Variants in LDLRAD4 observed in about 807,000 individuals in gnomAD.
LDLRAD4 encodes the protein low-density lipoprotein receptor class A domain-containing protein 4.
Under a neutral mutation model 17.0 loss-of-function variants are expected in LDLRAD4, and 5 were observed. That is an observed-to-expected ratio of 0.29 (90% CI 0.15 to 0.62). The LOEUF is 0.62. LDLRAD4 is among the 20% of genes least tolerant of loss of function. The pLI is 0.84. For missense variants in LDLRAD4, 340 were observed against 424.7 expected (o/e 0.80, Z 1.75); for synonymous variants, 168 against 171.8 (o/e 0.98, Z 0.17).
intron 3 of LDLRAD4, among the ~76,000 whole-genome samples, chr18:13,501,671 C>T (rs1354859707): frequency 1.3e-5 from 2 of 151,656 alleles, no homozygotes; most frequent in Admixed American, 6.6e-5. Context: ...CATAGAAACC[C>T]AAGGGGTCCG....
chr18:13,364,635 C>G (rs559100287), intron 1 of LDLRAD4, among the ~76,000 whole-genome samples: 11 of 152,334 alleles, frequency 7.2e-5, no homozygotes, highest in African/African-American at 1.9e-4. Context: ...AGCTGCCACA[C>G]CCAGCTCTAT....
At chr18:13,405,930 C>T (rs946952488) in intron 2 of LDLRAD4, among the ~76,000 whole-genome samples, 2 of 152,188 alleles carry the variant, frequency 1.3e-5, no homozygotes, top group South Asian at 4.1e-4. Context: ...GGCAGCTTAT[C>T]TTGCTGTGAG....
chr18:13,561,469 G>T (rs1396352848), intron 3 of LDLRAD4: 1 of 152,180 alleles, frequency 6.6e-6, no homozygotes, highest in East Asian at 1.9e-4. Flanking sequence ...ATAATTAAGA[G>T]ATATTTCAAG....
intron 3 of LDLRAD4, 53 bp downstream of exon 4, chr18:13,438,437 T>A (rs2090808946): frequency 6.6e-7 from 1 of 1,508,442 alleles, no homozygotes; most frequent in East Asian, 2.3e-5. Flanking sequence ...TCTGAAACGG[T>A]TAGGAGGTGG....
intron 3 of LDLRAD4, among the ~76,000 whole-genome samples, chr18:13,548,541 T>C (rs1382164345): frequency 6.6e-6 from 1 of 152,216 alleles, no homozygotes; most frequent in Non-Finnish European, 1.5e-5. Context: ...TAATAGTGCC[T>C]GGGCTCAGCC....
intron 1 of LDLRAD4, among the ~76,000 whole-genome samples, chr18:13,238,633 C>A (rs1340068707): frequency 2.0e-5 from 3 of 152,162 alleles, no homozygotes; most frequent in African/African-American, 7.2e-5. Context: ...ACTGCAGAGT[C>A]CTGCCAGCCT....
At chr18:13,319,566 A>G (rs1404871600) in intron 1 of LDLRAD4, among the ~76,000 whole-genome samples, 2 of 152,198 alleles carry the variant, frequency 1.3e-5, no homozygotes, top group Non-Finnish European at 1.5e-5. Context: ...TTATCACTAG[A>G]TGACTCTCTC....
At chr18:13,453,838 G>T (rs988406153) in intron 3 of LDLRAD4, among the ~76,000 whole-genome samples, 1 of 152,194 alleles carries the variant, frequency 6.6e-6, no homozygotes, top group Non-Finnish European at 1.5e-5. Context: ...TGTTCAGTGG[G>T]GACAATAATG....
At chr18:13,345,115 T>C (rs2082605866) in intron 1 of LDLRAD4, among the ~76,000 whole-genome samples, 1 of 152,206 alleles carries the variant, frequency 6.6e-6, no homozygotes, top group Non-Finnish European at 1.5e-5. Flanking sequence ...CTTCCAACAC[T>C]ATGTTGAATA....
At chr18:13,421,724 T>C (rs1027543294) in intron 2 of LDLRAD4, among the ~76,000 whole-genome samples, 5 of 152,202 alleles carry the variant, frequency 3.3e-5, no homozygotes, top group African/African-American at 1.2e-4. Flanking sequence ...GTTGTTTCCC[T>C]AAGTGCCGTT....
intron 1 of LDLRAD4, among the ~76,000 whole-genome samples, chr18:13,303,424 T>C (rs1219933162): frequency 6.6e-6 from 1 of 152,074 alleles, no homozygotes; most frequent in Non-Finnish European, 1.5e-5. Context: ...TTTTTTGTCT[T>C]TCTTCCTTTC....
At chr18:13,405,532 C>T (rs985227834) in intron 2 of LDLRAD4, among the ~76,000 whole-genome samples, 63 of 152,118 alleles carry the variant, frequency 4.1e-4, no homozygotes, top group African/African-American at 1.5e-3. Context: ...AGGCCATCCT[C>T]CTGTCCTCCT....
chr18:13,249,318 A>G (rs1331779818), intron 1 of LDLRAD4, among the ~76,000 whole-genome samples: 2 of 152,144 alleles, frequency 1.3e-5, no homozygotes, highest in African/African-American at 4.8e-5. Flanking sequence ...TTTCAGAGGA[A>G]CTTCTATACT....
At chr18:13,227,437 G>C (rs758688303) in intron 1 of LDLRAD4, among the ~76,000 whole-genome samples, 1 of 152,162 alleles carries the variant, frequency 6.6e-6, no homozygotes, top group East Asian at 1.9e-4. Flanking sequence ...ATCAGGTGGG[G>C]AGACCCTCAT....
intron 2 of LDLRAD4, among the ~76,000 whole-genome samples, chr18:13,404,440 A>G (rs957586279): frequency 1.3e-5 from 2 of 152,214 alleles, no homozygotes; most frequent in African/African-American, 4.8e-5. Context: ...CCACGTGGAC[A>G]CAGCCCACTC....
intron 1 of LDLRAD4, chr18:13,235,114 GGTGGCGT>G (rs781455315): frequency 6.6e-6 from 1 of 152,162 alleles, no homozygotes; most frequent in East Asian, 1.9e-4. Context: ...AGCCAGGCGT[GGTGGCGT>G]GTGCCTGTAT....
Position 13,573,593 on chromosome 18 carries a change from A to G in LDLRAD4, c.182-47524A>G, listed in dbSNP as rs544226070. On this transcript the variant is annotated intron_variant, in intron 3 of 5. Coordinates refer to ENST00000359446, the Ensembl canonical transcript of LDLRAD4. ...TTCTCCTGTACAGTTTTTTCTTAAA[A>G]TTTGTTTAGAAATCTAGGAGCATGC... 7.2e-5 allele frequency among the ~76,000 whole-genome samples: 11 copies of G among 152,346 alleles called. No homozygotes were observed. In the East Asian group the frequency reaches 1.9e-3, roughly 27 times the overall value.
Position 13,645,642 on chromosome 18 carries a change from T to G in LDLRAD4, c.906T>G (p.Pro302=), listed in dbSNP as rs2042985267. ...CCATCAAAGGCAAAGATAGGAAGCCTGGGAACCTGGTCTGATTCCTTCCAA... is the reference window on the plus strand; with the variant it reads ...CCATCAAAGGCAAAGATAGGAAGCCGGGGAACCTGGTCTGATTCCTTCCAA... Residue 302 remains proline, a synonymous_variant, in exon 6 of 6, where the codon CCT becomes CCG. Coordinates refer to ENST00000359446, the Ensembl canonical transcript of LDLRAD4. The surrounding 1 kb of genome is among the most constrained non-coding windows in gnomAD (Gnocchi z 5.7). 1 of 1,515,360 alleles carries G rather than the reference T, an allele frequency of 6.6e-7. No individual in the cohort carries two copies. Among genetic ancestry groups the G allele is most frequent in the Non-Finnish European group, 8.8e-7 (1 of 1,132,996 alleles). 93.9% of individuals were successfully genotyped at this position (1,515,360 alleles called of 1,614,324 possible).
intron 1 of LDLRAD4, among the ~76,000 whole-genome samples, chr18:13,229,238 C>G (rs1184980953): frequency 1.3e-5 from 2 of 152,204 alleles, no homozygotes; most frequent in Non-Finnish European, 2.9e-5. Flanking sequence ...TGGGCAGTTG[C>G]TCAGTTATCC....
Sources: gnomAD v4.1 joint callset for allele counts (sites outside exome capture counted in the v4.1 genomes callset) on GRCh38, gnomAD v4.1.1 for gene constraint, Gnocchi (gnomAD v3.1) non-coding constraint, MANE v1.5 for transcripts, NCBI Gene and HGNC (gene_info 2026-07-23, HGNC 2026-07-21) for gene names.